The following HS6ST2 variants were observed in gnomAD, a reference collection of about 807,000 sequenced individuals.
The protein encoded by HS6ST2 is heparan-sulfate 6-O-sulfotransferase 2.
Under a neutral mutation model 33.0 loss-of-function variants are expected in HS6ST2, and 17 were observed. That is an observed-to-expected ratio of 0.52 (90% CI 0.35 to 0.77). HS6ST2 has a LOEUF of 0.77. HS6ST2 is among the 30% of genes least tolerant of loss of function. The pLI, the probability that HS6ST2 is intolerant of heterozygous loss-of-function variation, is 0.01. For synonymous variants in HS6ST2, 248 were observed against 237.1 expected (o/e 1.05, Z -0.42); for missense variants, 519 against 551.7 (o/e 0.94, Z 0.59).
intron 2 of HS6ST2, among the ~76,000 whole-genome samples, chrX:132,941,402 G>A (rs889566001): frequency 1.8e-5 from 2 of 111,586 alleles, no homozygotes; most frequent in Admixed American, 9.6e-5. Flanking sequence ...TTTCAGTCTC[G>A]TCCTAATGGA....
intron 2 of HS6ST2, among the ~76,000 whole-genome samples, chrX:132,810,452 A>G (rs1053780782): frequency 1.8e-5 from 2 of 109,604 alleles, no homozygotes; most frequent in African/African-American, 6.6e-5. Context: ...AGAGACAGAA[A>G]GAGAGAAAGA....
At chrX:132,684,040 C>T (rs993302668) in intron 3 of HS6ST2, among the ~76,000 whole-genome samples, 3 of 109,309 alleles carry the variant, frequency 2.7e-5, no homozygotes, top group Non-Finnish European at 5.7e-5. Context: ...CTCTGAGTTT[C>T]CCAGCAACGA....
chrX:132,691,965 G>A (rs2064068350), intron 3 of HS6ST2, among the ~76,000 whole-genome samples: 1 of 112,111 alleles, frequency 8.9e-6, no homozygotes, highest in South Asian at 3.7e-4. Flanking sequence ...CAAAAGCACT[G>A]GCTAAAACCC....
rs148038915 is a variant in HS6ST2, at chrX:132,682,457, T to C, written c.981-13258A>G. ...GTTGGCATATAAGGGAACAAGATAG[T>C]ATTTATCTCAGGGAATCCCAGAATT... On this transcript the variant is annotated intron_variant, in intron 3 of 4. Transcript: ENST00000370833. Among the ~76,000 whole-genome samples the C allele has an allele frequency of 1.4e-4, 16 of 111,396 alleles. No homozygotes were observed. The East Asian group carries it at 4.5e-3, about 32-fold the overall frequency.
At chrX:132,707,825 G>T (rs1344019478) in intron 3 of HS6ST2, among the ~76,000 whole-genome samples, 4 of 111,496 alleles carry the variant, frequency 3.6e-5, no homozygotes, top group Admixed American at 1.9e-4. Context: ...GTTGTTGCCT[G>T]CAGGGGCATC....
At chrX:132,701,042 A>T (rs2064140348) in intron 3 of HS6ST2, among the ~76,000 whole-genome samples, 1 of 111,927 alleles carries the variant, frequency 8.9e-6, no homozygotes, top group South Asian at 3.8e-4. Context: ...AGCGCTAAGA[A>T]TTAAACGGCA....
rs143725614 is a variant in HS6ST2 at position 132,949,091 on chromosome X, G to A, written c.947+7717C>T. Among the ~76,000 whole-genome samples, 342 of 111,304 alleles carry A rather than the reference G, an allele frequency of 3.1e-3. 2 individuals are homozygous for A. Among genetic ancestry groups the A allele is most frequent in the African/African-American group, 0.011 (323 of 30,656 alleles). ...ATGCAGTGAAACTTCTCTAGGGGGC[G>A]CTGCTTAGCAAAGTGAACTCTCCTT... On this transcript the variant is annotated intron_variant, in intron 2 of 4. Transcript: ENST00000370833.
intron 3 of HS6ST2, among the ~76,000 whole-genome samples, chrX:132,707,741 T>A (rs1181379727): frequency 8.9e-6 from 1 of 111,961 alleles, no homozygotes; most frequent in Non-Finnish European, 1.9e-5. Flanking sequence ...GAGCACACAT[T>A]TCCAAAATGA....
chrX:132,865,388 C>T (rs377174339), intron 2 of HS6ST2, among the ~76,000 whole-genome samples: 20 of 108,478 alleles, frequency 1.8e-4, no homozygotes, highest in East Asian at 5.9e-4. Context: ...TGTTGGACAT[C>T]TGGGTTGGTT....
intron 2 of HS6ST2, among the ~76,000 whole-genome samples, chrX:132,811,779 C>G (rs2065348893): frequency 1.1e-5 from 1 of 92,603 alleles, no homozygotes; most frequent in Non-Finnish European, 2.1e-5. Context: ...TTAATCACAT[C>G]ACGTAAAATG....
Position 132,752,382 on chromosome X carries a change from G to T in HS6ST2, c.948-43888C>A, listed in dbSNP as rs145202696. Among the ~76,000 whole-genome samples the T allele has an allele frequency of 3.0e-3, 313 of 105,007 alleles. 2 individuals carry two copies. The highest frequency in any genetic ancestry group is 0.01 in the Middle Eastern group (2 of 200). The allele number at this position is 105,007 out of a possible 115,157, so 91.2% of individuals were successfully genotyped here. A position where few individuals can be genotyped will look rare whatever the true frequency, so the allele number is the denominator to read the frequency against. Reference sequence around the variant, plus strand: ...AACTACTTGGGTGACTGAAGCAGGAGAATTGCTTGAATCTGGGAGGCGGAG... The same window carrying T: ...AACTACTTGGGTGACTGAAGCAGGATAATTGCTTGAATCTGGGAGGCGGAG... On this transcript the variant is annotated intron_variant, in intron 2 of 4. Coordinates refer to ENST00000370833, the MANE Select transcript of HS6ST2 (RefSeq NM_001394073.1).
At chrX:132,632,709 A>C (rs1216968432) in intron 4 of HS6ST2, among the ~76,000 whole-genome samples, 1 of 110,492 alleles carries the variant, frequency 9.1e-6, no homozygotes, top group East Asian at 2.9e-4. Context: ...TTAAAAAAAA[A>C]CACCTCACAC....
At chrX:132,696,361 T>C (rs1276096057) in intron 3 of HS6ST2, among the ~76,000 whole-genome samples, 2 of 111,761 alleles carry the variant, frequency 1.8e-5, no homozygotes, top group East Asian at 2.8e-4. Context: ...GTAAGTTCTA[T>C]AGAGTCATAT....
intron 2 of HS6ST2, among the ~76,000 whole-genome samples, chrX:132,823,715 A>C (rs1215915177): frequency 9.5e-6 from 1 of 105,548 alleles, no homozygotes; most frequent in Non-Finnish European, 1.9e-5. Context: ...AAAAAAAAAA[A>C]AAAAACCCAC....
At chrX:132,722,016 G>A (rs1249317039) in intron 2 of HS6ST2, among the ~76,000 whole-genome samples, 4 of 108,584 alleles carry the variant, frequency 3.7e-5, no homozygotes, top group Non-Finnish European at 7.6e-5. Flanking sequence ...GTGAAACCCC[G>A]TTTCTACTAA....
intron 2 of HS6ST2, among the ~76,000 whole-genome samples, chrX:132,845,417 G>A (rs1393012199): frequency 1.8e-5 from 2 of 111,035 alleles, no homozygotes; most frequent in African/African-American, 3.3e-5. Context: ...ACATAATTTA[G>A]CATCAGTTTA....
intron 4 of HS6ST2, among the ~76,000 whole-genome samples, chrX:132,666,205 C>T (rs1211688866): frequency 9.0e-6 from 1 of 110,984 alleles, no homozygotes; most frequent in Non-Finnish European, 1.9e-5. Flanking sequence ...TCAGGGATTG[C>T]TTCTCAGGAG....
chrX:132,764,835 G>C (rs184703860), intron 2 of HS6ST2, among the ~76,000 whole-genome samples: 9 of 111,988 alleles, frequency 8.0e-5, no homozygotes, highest in African/African-American at 2.9e-4. Context: ...GGGTGGTTTT[G>C]GGGGTGTTCT....
intron 2 of HS6ST2, among the ~76,000 whole-genome samples, chrX:132,733,977 G>T (rs981179396): frequency 2.9e-5 from 3 of 102,358 alleles, no homozygotes; most frequent in Non-Finnish European, 5.9e-5. Context: ...ATATTTTAGG[G>T]TCATGTGAAG....
Sources: allele counts gnomAD v4.1 joint callset (sites outside exome capture counted in the v4.1 genomes callset), GRCh38; gene constraint gnomAD v4.1.1; transcripts MANE v1.5; gene names NCBI Gene and HGNC (gene_info 2026-07-23, HGNC 2026-07-21).